LMTK2: variants seen among roughly 807,000 people sequenced by gnomAD.
LMTK2 encodes serine/threonine-protein kinase LMTK2.
In LMTK2, 37 loss-of-function variants were observed where a neutral mutation model predicts 127.5. The observed-to-expected ratio is 0.29, with a 90% CI of 0.22 to 0.38. The LOEUF (loss-of-function observed/expected upper bound fraction) is 0.38, where lower values mean the gene tolerates loss of function less well. LMTK2 is among the 10% of genes least tolerant of loss of function. LMTK2 has a pLI of 1.00. For synonymous variants in LMTK2, 819 were observed against 810.1 expected, an observed-to-expected ratio of 1.01 and a Z score of -0.19; for missense variants, 1,694 against 1,920.3, an observed-to-expected ratio of 0.88 and a Z score of 2.20.
Position 98,107,122 on chromosome 7 carries a change from G to A in LMTK2, c.-56G>A. The A allele has an allele frequency of 6.5e-6, 8 of 1,227,452 alleles. No individual in the cohort carries two copies. Among genetic ancestry groups the A allele is most frequent in the Non-Finnish European group, 7.5e-6 (7 of 938,886 alleles). The allele number at this position is 1,227,452 out of a possible 1,614,324, so 76.0% of individuals were successfully genotyped here. On this transcript the variant is annotated 5_prime_UTR_variant, in exon 1 of 14. Transcript: ENST00000297293. The stretch of plus-strand genomic sequence containing the variant: ...GGCAGGATCGACTGACGGGCGAACG[G>A]ACGGACGGACGGAAGGCGACTCGAG...
At chr7:98,141,341 G>A (rs1796696129) in intron 2 of LMTK2, 56 bp from the exon 3 acceptor site, 1 of 1,507,736 alleles carries the variant, frequency 6.6e-7, no homozygotes, top group Admixed American at 1.7e-5. Flanking sequence ...GTGCAAATAT[G>A]TTCCTATTTT....
In LMTK2 at chr7:98,107,188, C is replaced by A; in HGVS notation, c.11C>A (p.Pro4Gln). 6.9e-7 allele frequency: 1 copy of A among 1,450,370 alleles called. No homozygotes were observed. Among genetic ancestry groups the A allele is most frequent in the South Asian group, 1.3e-5 (1 of 74,158 alleles). The allele number at this position is 1,450,370 out of a possible 1,614,324, so 89.8% of individuals were successfully genotyped here. ...CGCGCCGTGGGCGAGATGCCGGGGC[C>A]GCCGGCGTTGCGGCGGAGGCTGCTG... MPG[P>Q]PALRRRLLLL... is the part of the protein sequence containing the mutation. The change falls in exon 1 of 14, where the codon CCG becomes CAG. Residue 4 changes from proline (P) to glutamine (Q), a missense_variant. Pro to Gln is a moderately conservative substitution (Grantham distance 76). Around this residue, in one of 8 missense-constraint regions of LMTK2, gnomAD observed 76 missense variants for 82.0 expected, o/e 0.93. Coordinates refer to ENST00000297293, the MANE Select transcript of LMTK2 (RefSeq NM_014916.4).
In LMTK2 at chr7:98,158,579, T is replaced by TA. The variant is rs547704644; in HGVS notation, c.570-748dup. On this transcript the variant is annotated intron_variant, in intron 5 of 13. Coordinates refer to ENST00000297293, the MANE Select transcript of LMTK2 (RefSeq NM_014916.4). ...TCAACCAATGGTGGATGGAAAATAT[T>TA]AAAAAAAAAAATGGAAAGAAATAAT... is the stretch of plus-strand genomic sequence containing the variant. Among the ~76,000 whole-genome samples the TA allele has an allele frequency of 8.7e-4, 128 of 146,744 alleles. 1 individual carries two copies. The highest frequency in any genetic ancestry group is 2.5e-3 in the African/African-American group (102 of 40,184).
chr7:98,195,877 G>A (rs757136551), intron 11 of LMTK2, among the ~76,000 whole-genome samples: 12 of 152,126 alleles, frequency 7.9e-5, no homozygotes, highest in Admixed American at 1.3e-4. Context: ...ATATATGGCG[G>A]GGAAGTGGAT....
chr7:98,189,683 G>A lies in LMTK2; in HGVS notation c.999-1045G>A, dbSNP rs185189380. On this transcript the variant is annotated intron_variant, in intron 9 of 13. Coordinates refer to ENST00000297293, the MANE Select transcript of LMTK2 (RefSeq NM_014916.4). Reference sequence around the variant, plus strand: ...GAGGAAATGCAGAGACCTCGTGGAGGAAATGAGAGGCAGCTCCTCTGACCC... The same window carrying A: ...GAGGAAATGCAGAGACCTCGTGGAGAAAATGAGAGGCAGCTCCTCTGACCC... Among the ~76,000 whole-genome samples, 346 of 152,296 alleles carry A rather than the reference G, an allele frequency of 2.3e-3. 2 individuals carry two copies. The highest frequency in any genetic ancestry group is 8.1e-3 in the African/African-American group (337 of 41,562).
intron 3 of LMTK2, among the ~76,000 whole-genome samples, chr7:98,144,560 C>G (rs1018323120): frequency 6.6e-6 from 1 of 152,078 alleles, no homozygotes. Context: ...GTTTTTCATA[C>G]ACCTTTCTCG....
intron 1 of LMTK2, among the ~76,000 whole-genome samples, chr7:98,132,066 G>A (rs760907526): frequency 2.0e-5 from 3 of 152,200 alleles, no homozygotes; most frequent in Non-Finnish European, 4.4e-5. Context: ...GGGACCCTGT[G>A]GGAGGGCTTG....
chr7:98,117,870 G>A (rs577995050), intron 1 of LMTK2, among the ~76,000 whole-genome samples: 3 of 152,298 alleles, frequency 2.0e-5, no homozygotes, highest in Non-Finnish European at 4.4e-5. Context: ...GGGAGGTTGA[G>A]GCAGGAGAAT....
intron 1 of LMTK2, among the ~76,000 whole-genome samples, chr7:98,108,724 A>T (rs970776835): frequency 2.6e-5 from 4 of 152,216 alleles, no homozygotes; most frequent in African/African-American, 9.6e-5. Flanking sequence ...AGTTAGCACT[A>T]GTATAGTGTA....
chr7:98,148,790 A>G (rs1308051005), intron 3 of LMTK2, among the ~76,000 whole-genome samples: 1 of 152,226 alleles, frequency 6.6e-6, no homozygotes, highest in African/African-American at 2.4e-5. Context: ...GGCCGTTTAT[A>G]ACCCTGACTT....
At chr7:98,117,517 C>A (rs932637313) in intron 1 of LMTK2, among the ~76,000 whole-genome samples, 8 of 152,096 alleles carry the variant, frequency 5.3e-5, no homozygotes, top group Non-Finnish European at 8.8e-5. Context: ...CTCCTGGGTG[C>A]CCCGCTGACA....
chr7:98,147,331 A>G (rs975893553), intron 3 of LMTK2, among the ~76,000 whole-genome samples: 5 of 151,602 alleles, frequency 3.3e-5, no homozygotes, highest in African/African-American at 1.2e-4. Flanking sequence ...TGATCCTCCC[A>G]CCTCAACCTC....
intron 1 of LMTK2, among the ~76,000 whole-genome samples, chr7:98,116,882 A>G (rs1365813569): frequency 6.6e-6 from 1 of 152,186 alleles, no homozygotes; most frequent in African/African-American, 2.4e-5. Flanking sequence ...AGGAGTACTG[A>G]CTGGTCAGAT....
chr7:98,203,498 C>T, intron 11 of LMTK2, 76 bp from the exon 12 acceptor site: 1 of 1,504,148 alleles, frequency 6.6e-7, no homozygotes, highest in Non-Finnish European at 8.9e-7. Flanking sequence ...GATGCGCCTG[C>T]CAGTGGGGAA....
rs1797537466 is a variant in LMTK2 at position 98,192,141 on chromosome 7, G to A, written c.1676G>A (p.Ser559Asn). The A allele has an allele frequency of 9.1e-6, 14 of 1,531,566 alleles. No individual in the cohort carries two copies. The East Asian group carries it at 2.9e-4, about 32-fold the overall frequency. 94.9% of individuals were successfully genotyped at this position (1,531,566 alleles called of 1,614,324 possible). A position where few individuals can be genotyped will look rare whatever the true frequency, so the allele number is the denominator to read the frequency against. The stretch of plus-strand genomic sequence containing the variant: ...TATTATATCCAGTTAGAAGAAAAAA[G>A]TGGTAGTAACTTGGAGCTTGATTAC... ...SDYYIQLEEK[S>N]GSNLELDYPP... is the part of the protein sequence containing the mutation. Residue 559 changes from serine to asparagine, a missense_variant, in exon 11 of 14, where the codon AGT becomes AAT. This residue lies in a region of LMTK2 where 527 missense variants were observed against 539.8 expected (regional missense o/e 0.98). Coordinates refer to ENST00000297293, the MANE Select transcript of LMTK2 (RefSeq NM_014916.4).
intron 7 of LMTK2, among the ~76,000 whole-genome samples, chr7:98,172,887 A>G (rs1797214658): frequency 6.6e-6 from 1 of 152,152 alleles, no homozygotes; most frequent in African/African-American, 2.4e-5. Flanking sequence ...CCTTCCGAGT[A>G]GCTGGGGCTA....
In LMTK2 at chr7:98,194,160, C is replaced by T. The variant is rs760761648; in HGVS notation, c.3695C>T (p.Thr1232Met). The T allele has an allele frequency of 5.0e-6, 8 of 1,614,010 alleles. No homozygotes were observed. Among genetic ancestry groups the T allele is most frequent in the African/African-American group, 1.3e-5 (1 of 75,028 alleles). The change falls in exon 11 of 14, where the codon ACG (threonine) becomes ATG (methionine). Residue 1232 changes from threonine (T) to methionine (M), a missense_variant. Transcript: ENST00000297293. This position sits in a 1 kb window ranked among gnomAD's most constrained non-coding sequence, Gnocchi z 5.4. The part of the protein sequence containing the change: ...PCTLASTGTN[T>M]NELLAYTNSA... ...ACCCTCGCTTCCACGGGGACCAACA[C>T]GAACGAACTCCTTGCCTACACCAAT... is the stretch of plus-strand genomic sequence containing the variant.
chr7:98,125,277 T>C (rs1431858775), intron 1 of LMTK2, among the ~76,000 whole-genome samples: 1 of 148,660 alleles, frequency 6.7e-6, no homozygotes, highest in East Asian at 2.0e-4. Context: ...CACTCCAGCC[T>C]GGGTGACAGA....
rs148900594 is a variant in LMTK2 at position 98,207,501 on chromosome 7, C to T, written c.*2009C>T. 5.8e-4 allele frequency: 86 copies of T among 149,102 alleles called. No individual in the cohort carries two copies. The highest frequency in any genetic ancestry group is 2.4e-3 in the East Asian group (11 of 4,662). 9.2% of individuals were successfully genotyped at this position (149,102 alleles called of 1,614,324 possible). On this transcript the variant is annotated 3_prime_UTR_variant, in exon 14 of 14. Transcript: ENST00000297293. ...GGGAGCACCACTGTCTCGGGATGCG[C>T]GAATTTTTTTTTTTTTTTTAATTAA... is the stretch of plus-strand genomic sequence containing the variant.
Sources: gnomAD v4.1 joint callset for allele counts (sites outside exome capture counted in the v4.1 genomes callset) on GRCh38, gnomAD v4.1.1 for gene constraint, gnomAD v4.1.1 regional missense constraint, Gnocchi (gnomAD v3.1) non-coding constraint, MANE v1.5 for transcripts, NCBI Gene and HGNC (gene_info 2026-07-23, HGNC 2026-07-21) for gene names.